The following ZNF600 variants were observed in gnomAD, a reference collection of about 807,000 sequenced individuals.
ZNF600 encodes the protein zinc finger protein KR-ZNF1.
A neutral mutation model predicts 7.3 loss-of-function variants in ZNF600; 4 were observed. That is an observed-to-expected ratio of 0.55 (90% CI 0.27 to 1.25). ZNF600 has a LOEUF of 1.25. ZNF600 is among the 50% of genes most tolerant of loss of function. The pLI is 0.12. For missense variants in ZNF600, 911 were observed against 922.1 expected, an observed-to-expected ratio of 0.99 and a Z score of 0.16; for synonymous variants, 290 against 308.9, an observed-to-expected ratio of 0.94 and a Z score of 0.64.
chr19:52,803,508 C>G, the ZNF600 span, among the ~76,000 whole-genome samples: 615 of 152,184 alleles, frequency 4.0e-3, 7 homozygotes, highest in African/African-American at 0.014. Context: ...AAGAAAATAA[C>G]AAGTAGATTT....
the ZNF600 span, chr19:52,801,423 C>T: frequency 1.2e-6 from 2 of 1,614,182 alleles, no homozygotes; most frequent in Non-Finnish European, 1.7e-6. Flanking sequence ...AAAGCTTAAT[C>T]CAAGCTGATC....
At chr19:52,766,331 A>G in exon 4 of ZNF600, 1 of 1,614,200 alleles carries the variant, frequency 6.2e-7, no homozygotes, top group East Asian at 2.2e-5. Context: ...AAGCCTTGTC[A>G]CAAACCTTAC....
chr19:52,807,886 A>G, the ZNF600 span: 1 of 1,478,822 alleles, frequency 6.8e-7, no homozygotes, highest in Non-Finnish European at 9.2e-7. Flanking sequence ...TACATCATGA[A>G]GCTTTTCATT....
chr19:52,771,583 C>G (rs2062630518), intron 3 of ZNF600, among the ~76,000 whole-genome samples: 1 of 152,004 alleles, frequency 6.6e-6, no homozygotes, highest in Admixed American at 6.6e-5. Flanking sequence ...AAATGATTCT[C>G]CTATAGGTCT....
At chr19:52,817,894 C>A in the ZNF600 span, 11 of 1,608,386 alleles carry the variant, frequency 6.8e-6, no homozygotes, top group Admixed American at 1.7e-5. Flanking sequence ...CAAGGCCCAG[C>A]GTTTCTGAAA....
chr19:52,817,980 C>G, the ZNF600 span: 1 of 1,611,020 alleles, frequency 6.2e-7, no homozygotes, highest in South Asian at 1.1e-5. Context: ...TTGCTTTCCT[C>G]TTCCTCTTCT....
chr19:52,817,997 C>A, the ZNF600 span: 1 of 1,610,234 alleles, frequency 6.2e-7, no homozygotes, highest in Non-Finnish European at 8.5e-7. Flanking sequence ...TTCTGGGTTT[C>A]TTCCTCACGT....
the ZNF600 span, among the ~76,000 whole-genome samples, chr19:52,809,588 A>G: frequency 6.6e-6 from 1 of 152,178 alleles, no homozygotes; most frequent in Non-Finnish European, 1.5e-5. Context: ...CGGGTGAATA[A>G]CCAGGTCAAG....
chr19:52,778,323 T>TAA (rs531923267), intron 2 of ZNF600, among the ~76,000 whole-genome samples: 4 of 145,138 alleles, frequency 2.8e-5, no homozygotes, highest in Non-Finnish European at 4.6e-5. Flanking sequence ...TCCTGTCTCT[T>TAA]AAAAAAAAAA....
At chr19:52,786,210 C>T (rs890712532) in intron 1 of ZNF600, among the ~76,000 whole-genome samples, 1 of 152,166 alleles carries the variant, frequency 6.6e-6, no homozygotes, top group African/African-American at 2.4e-5. Context: ...GCGACCCACC[C>T]CAACCCTGGC....
At chr19:52,785,930 T>G (rs1271561941) in intron 1 of ZNF600, among the ~76,000 whole-genome samples, 1 of 152,188 alleles carries the variant, frequency 6.6e-6, no homozygotes, top group Admixed American at 6.5e-5. Flanking sequence ...CTTAGTTTTT[T>G]TTCTTTCACT....
At chr19:52,802,063 C>T in the ZNF600 span, among the ~76,000 whole-genome samples, 6 of 152,178 alleles carry the variant, frequency 3.9e-5, no homozygotes, top group African/African-American at 9.6e-5. Flanking sequence ...ATATTTACAG[C>T]GTATTTAGTG....
chr19:52,782,211 G>C (rs933828893), intron 1 of ZNF600, among the ~76,000 whole-genome samples: 16 of 152,082 alleles, frequency 1.1e-4, no homozygotes, highest in African/African-American at 3.9e-4. Context: ...CTGGACAGCA[G>C]TAAGAGTGTC....
chr19:52,811,108 G>A, the ZNF600 span, among the ~76,000 whole-genome samples: 1 of 150,018 alleles, frequency 6.7e-6, no homozygotes, highest in Non-Finnish European at 1.5e-5. Flanking sequence ...TGGCTGGGCT[G>A]GTCTCCAGCT....
At chr19:52,766,795 T>C in exon 4 of ZNF600, 1 of 1,614,132 alleles carries the variant, frequency 6.2e-7, no homozygotes, top group Non-Finnish European at 8.5e-7. Context: ...TGAATTCTCT[T>C]ATGTGACTCA....
At chr19:52,811,682 G>A in the ZNF600 span, among the ~76,000 whole-genome samples, 5 of 148,002 alleles carry the variant, frequency 3.4e-5, no homozygotes, top group Non-Finnish European at 5.9e-5. Context: ...GAAGTGAGGA[G>A]CCCCTCCGTC....
At chr19:52,773,425 A>G (rs1227334034) in intron 3 of ZNF600, among the ~76,000 whole-genome samples, 1 of 152,204 alleles carries the variant, frequency 6.6e-6, no homozygotes, top group Non-Finnish European at 1.5e-5. Context: ...TCTAGTTTCA[A>G]GCATATACTC....
the ZNF600 span, among the ~76,000 whole-genome samples, chr19:52,827,561 G>T: frequency 6.6e-6 from 1 of 151,842 alleles, no homozygotes; most frequent in Non-Finnish European, 1.5e-5. Flanking sequence ...TCACGTCACT[G>T]AGTTATAGAA....
chr19:52,820,319 T>A, the ZNF600 span, among the ~76,000 whole-genome samples: 3 of 135,640 alleles, frequency 2.2e-5, 1 homozygote, highest in African/African-American at 9.4e-5. Flanking sequence ...GGGTTTCACC[T>A]TGTTAGCCAG....
Sources: gnomAD v4.1 joint callset for allele counts (sites outside exome capture counted in the v4.1 genomes callset) on GRCh38, gnomAD v4.1.1 for gene constraint, MANE v1.5 for transcripts, NCBI Gene and HGNC (gene_info 2026-07-23, HGNC 2026-07-21) for gene names.